Variants in COX7B2 observed in about 807,000 individuals in gnomAD.
COX7B2 encodes the protein cytochrome c oxidase subunit 7B2, mitochondrial.
For synonymous variants in COX7B2, 37 were observed against 32.1 expected (o/e 1.15, Z -0.51); for missense variants, 109 against 95.9 (o/e 1.14, Z -0.57).
chr4:46,761,907 G>A (rs1215050160), intron 2 of COX7B2, among the ~76,000 whole-genome samples: 2 of 151,522 alleles, frequency 1.3e-5, no homozygotes, highest in African/African-American at 2.4e-5. Context: ...CACAACTGCT[G>A]CCTACTCACC....
intron 1 of COX7B2, among the ~76,000 whole-genome samples, chr4:46,858,172 C>A (rs1717114137): frequency 6.6e-6 from 1 of 152,190 alleles, no homozygotes; most frequent in South Asian, 2.1e-4. Context: ...CGGCTTACTG[C>A]AATCTCCACC....
At chr4:46,817,254 T>A (rs748147096) in intron 2 of COX7B2, among the ~76,000 whole-genome samples, 6 of 152,100 alleles carry the variant, frequency 3.9e-5, no homozygotes, top group Non-Finnish European at 8.8e-5. Flanking sequence ...TTGCCAAGAG[T>A]CAGGCCCTCT....
intron 2 of COX7B2, among the ~76,000 whole-genome samples, chr4:46,806,832 T>C (rs1453934865): frequency 6.6e-6 from 1 of 152,060 alleles, no homozygotes; most frequent in Non-Finnish European, 1.5e-5. Flanking sequence ...TAATCCATGT[T>C]ATAACAAAGG....
At chr4:46,840,025 C>T (rs1175443869) in intron 2 of COX7B2, among the ~76,000 whole-genome samples, 1 of 152,000 alleles carries the variant, frequency 6.6e-6, no homozygotes, top group Non-Finnish European at 1.5e-5. Flanking sequence ...TCAACACAAC[C>T]TGAGGACGTT....
intron 2 of COX7B2, among the ~76,000 whole-genome samples, chr4:46,737,421 T>C (rs1248783970): frequency 6.6e-6 from 1 of 152,164 alleles, no homozygotes; most frequent in East Asian, 1.9e-4. Context: ...GAATTATCTT[T>C]TTATTCTCTT....
intron 1 of COX7B2, among the ~76,000 whole-genome samples, chr4:46,854,047 T>C (rs977660187): frequency 1.3e-5 from 2 of 152,188 alleles, no homozygotes; most frequent in African/African-American, 2.4e-5. Context: ...CAGAAAGATA[T>C]GTTGAGTAGA....
At chr4:46,810,217 A>T (rs578026777) in intron 2 of COX7B2, among the ~76,000 whole-genome samples, 9 of 152,124 alleles carry the variant, frequency 5.9e-5, no homozygotes, top group Non-Finnish European at 1.3e-4. Flanking sequence ...TAAATGGATC[A>T]AATTATCCAA....
chr4:46,893,562 G>A (rs62303666), intron 1 of COX7B2, among the ~76,000 whole-genome samples: 121 of 152,080 alleles, frequency 8.0e-4, no homozygotes, highest in Non-Finnish European at 1.5e-3. Context: ...CAATAGCTGT[G>A]GCAGCTATTG....
intron 2 of COX7B2, among the ~76,000 whole-genome samples, chr4:46,750,885 AC>A (rs1356826931): frequency 6.6e-6 from 1 of 152,048 alleles, no homozygotes; most frequent in Admixed American, 6.6e-5. Flanking sequence ...TTAGGGATGC[AC>A]CCTTATAACC....
chr4:46,816,229 C>T (rs772272542), intron 2 of COX7B2, among the ~76,000 whole-genome samples: 1 of 152,192 alleles, frequency 6.6e-6, no homozygotes, highest in Non-Finnish European at 1.5e-5. Context: ...CAAATCTTAA[C>T]TCATATTCTT....
chr4:46,797,553 C>T (rs558508758), intron 2 of COX7B2, among the ~76,000 whole-genome samples: 8 of 152,234 alleles, frequency 5.3e-5, no homozygotes, highest in Admixed American at 4.6e-4. Context: ...AGAAGCCAAG[C>T]GGAAGCCACT....
At chr4:46,765,067 G>A (rs1716444493) in intron 2 of COX7B2, among the ~76,000 whole-genome samples, 2 of 151,714 alleles carry the variant, frequency 1.3e-5, no homozygotes. Flanking sequence ...AAGCAGAAGT[G>A]CAGAAGTGAT....
chr4:46,742,388 A>G (rs1714768601), intron 2 of COX7B2, among the ~76,000 whole-genome samples: 2 of 152,122 alleles, frequency 1.3e-5, no homozygotes, highest in Admixed American at 6.5e-5. Flanking sequence ...TCTTCAATTC[A>G]TTTATGTATT....
At chr4:46,773,865 G>T (rs1484878832) in intron 2 of COX7B2, among the ~76,000 whole-genome samples, 1 of 152,246 alleles carries the variant, frequency 6.6e-6, no homozygotes, top group African/African-American at 2.4e-5. Flanking sequence ...CTAGAGGTAT[G>T]TTTTAGCCAA....
intron 2 of COX7B2, among the ~76,000 whole-genome samples, chr4:46,764,316 G>A (rs187858487): frequency 2.6e-5 from 4 of 152,050 alleles, no homozygotes; most frequent in East Asian, 1.9e-4. Context: ...AGGCTGAGGC[G>A]GGTGGATCAC....
chr4:46,738,447 C>G (rs535815206), intron 2 of COX7B2, among the ~76,000 whole-genome samples: 181 of 152,132 alleles, frequency 1.2e-3, no homozygotes, highest in Non-Finnish European at 2.1e-3. Flanking sequence ...GCATTTCATC[C>G]TATAATAAAC....
At chr4:46,766,528 C>T (rs1049023214) in intron 2 of COX7B2, among the ~76,000 whole-genome samples, 4 of 151,694 alleles carry the variant, frequency 2.6e-5, no homozygotes, top group Middle Eastern at 3.2e-3. Context: ...GGTGAAATTC[C>T]ATCTCTACTA....
chr4:46,803,599 GTT>G (rs1222222958), intron 2 of COX7B2, among the ~76,000 whole-genome samples: 1 of 152,004 alleles, frequency 6.6e-6, no homozygotes, highest in African/African-American at 2.4e-5. Flanking sequence ...CTCCAAAAGT[GTT>G]TAGCATATAT....
chr4:46,751,096 C>A (rs1715343723), intron 2 of COX7B2, among the ~76,000 whole-genome samples: 1 of 151,972 alleles, frequency 6.6e-6, no homozygotes, highest in African/African-American at 2.4e-5. Context: ...CAGTGACCTT[C>A]TTTCAGTTTT....
Sources: gnomAD v4.1 joint callset for allele counts (sites outside exome capture counted in the v4.1 genomes callset) on GRCh38, gnomAD v4.1.1 for gene constraint, MANE v1.5 for transcripts, NCBI Gene and HGNC (gene_info 2026-07-23, HGNC 2026-07-21) for gene names.